The following RNMT variants were observed in gnomAD, a reference collection of about 807,000 sequenced individuals.
RNMT encodes RNA guanine-7 methyltransferase.
In RNMT, 27 loss-of-function variants were observed where a neutral mutation model predicts 56.0. The observed-to-expected ratio is 0.48, with a 90% CI of 0.36 to 0.67. The LOEUF is 0.67. Ranked by LOEUF, RNMT falls within the 30% of genes least tolerant of loss-of-function variation. RNMT has a pLI of 0.00. For synonymous variants in RNMT, 184 were observed against 176.2 expected (o/e 1.04, Z -0.35); for missense variants, 519 against 552.1 (o/e 0.94, Z 0.60).
At chr18:13,735,988 A>G (rs1368310916) in intron 4 of RNMT, among the ~76,000 whole-genome samples, 1 of 152,092 alleles carries the variant, frequency 6.6e-6, no homozygotes, top group Admixed American at 6.6e-5. Flanking sequence ...TGGTAAGTAA[A>G]CAGTTGAGTA....
chr18:13,754,099 C>G lies in RNMT; in HGVS notation c.1360-15C>G. 5 of 1,498,338 alleles carry G rather than the reference C, an allele frequency of 3.3e-6. 1 individual carries two copies. The South Asian group carries it at 5.7e-5, about 17-fold the overall frequency. The allele number at this position is 1,498,338 out of a possible 1,614,324, so 92.8% of individuals were successfully genotyped here. A position where few individuals can be genotyped will look rare whatever the true frequency, so the allele number is the denominator to read the frequency against. On this transcript the variant is annotated splice_polypyrimidine_tract_variant and intron_variant, in intron 10 of 11. Coordinates refer to ENST00000383314, the MANE Select transcript of RNMT (RefSeq NM_003799.3). Reference sequence around the variant, plus strand: ...ATTGAATCTAAAATTTTCTTTTTCTCTTTTGTAATTTTAGGGAACCTTAAG... The same window carrying G: ...ATTGAATCTAAAATTTTCTTTTTCTGTTTTGTAATTTTAGGGAACCTTAAG...
At position 13,736,052 on chromosome 18, in the gene RNMT, C is replaced by T. The variant is rs184346702; in HGVS notation, c.554-958C>T. Among the ~76,000 whole-genome samples the T allele has an allele frequency of 4.8e-3, 729 of 151,954 alleles. 8 individuals carry two copies. Among genetic ancestry groups the T allele is most frequent in the African/African-American group, 0.017 (694 of 41,540 alleles). ...TGAAATTGTTTCTTGATGATTTCCT[C>T]TCTCGTTAGTCTTACTGTATATAAA... On this transcript the variant is annotated intron_variant, in intron 4 of 11. Transcript: ENST00000383314.
At chr18:13,758,791 C>T (rs555569931) in intron 11 of RNMT, among the ~76,000 whole-genome samples, 1 of 152,228 alleles carries the variant, frequency 6.6e-6, no homozygotes, top group South Asian at 2.1e-4. Flanking sequence ...TTTTTACATG[C>T]CTTGTTCACT....
intron 7 of RNMT, 110 bp downstream of exon 7, chr18:13,741,801 G>C (rs2044256187): frequency 3.1e-6 from 2 of 647,198 alleles, no homozygotes; most frequent in South Asian, 2.9e-5. Flanking sequence ...TATAAGTGTT[G>C]AACACTTTCA....
chr18:13,739,460 T>C (rs1954841474), intron 5 of RNMT, among the ~76,000 whole-genome samples: 1 of 152,206 alleles, frequency 6.6e-6, no homozygotes, highest in Admixed American at 6.5e-5. Context: ...CCCATTGCCT[T>C]TGCATTATCA....
intron 11 of RNMT, among the ~76,000 whole-genome samples, chr18:13,758,192 A>G (rs1054023105): frequency 1.4e-4 from 21 of 152,172 alleles, no homozygotes; most frequent in Non-Finnish European, 2.9e-4. Flanking sequence ...GGATTTTTGG[A>G]AGGATAAATG....
intron 9 of RNMT, 45 bp from the exon 10 acceptor site, chr18:13,752,281 G>A: frequency 1.7e-6 from 2 of 1,199,276 alleles, no homozygotes; most frequent in Admixed American, 1.7e-5. Flanking sequence ...ATTCTGAATT[G>A]TAAATTTCCG....
intron 5 of RNMT, 128 bp downstream of exon 5, chr18:13,737,263 C>T: frequency 1.2e-6 from 1 of 820,696 alleles, no homozygotes; most frequent in Non-Finnish European, 1.8e-6. Flanking sequence ...TTAATTACGG[C>T]CTGACGCGGT....
chr18:13,760,662 C>T lies in RNMT; in HGVS notation c.*683C>T. On this transcript the variant is annotated 3_prime_UTR_variant, in exon 12 of 12. Coordinates refer to ENST00000383314, the MANE Select transcript of RNMT (RefSeq NM_003799.3). ...TTGCTACCATAGTAATTAATGTTTCCAGTTATCAAGATTGTGATTAGACAC... is the reference window on the plus strand; with the variant it reads ...TTGCTACCATAGTAATTAATGTTTCTAGTTATCAAGATTGTGATTAGACAC... 1 of 985,136 alleles carries T rather than the reference C, an allele frequency of 1.0e-6. No individual in the cohort carries two copies. The highest frequency in any genetic ancestry group is 1.2e-6 in the Non-Finnish European group (1 of 829,714). 61.0% of individuals were successfully genotyped at this position (985,136 alleles called of 1,614,324 possible). A position where few individuals can be genotyped will look rare whatever the true frequency, so the allele number is the denominator to read the frequency against.
At chr18:13,743,287 C>T (rs1367998217) in intron 8 of RNMT, among the ~76,000 whole-genome samples, 3 of 146,960 alleles carry the variant, frequency 2.0e-5, no homozygotes, top group African/African-American at 5.0e-5. Flanking sequence ...CGCGCCACTG[C>T]GCTCCAGCCT....
Position 13,761,772 on chromosome 18 carries a change from G to A in RNMT, c.*1793G>A. The A allele has an allele frequency of 8.1e-7, 1 of 1,240,506 alleles. No individual in the cohort carries two copies. The allele number at this position is 1,240,506 out of a possible 1,614,324, so 76.8% of individuals were successfully genotyped here. ...CTGGAGCCACACCTGCAGGCGCTGT[G>A]TTCAGGCACCACCTTCCTCCTTGAG... is the stretch of plus-strand genomic sequence containing the variant. On this transcript the variant is annotated 3_prime_UTR_variant, in exon 12 of 12. Coordinates refer to ENST00000383314, the MANE Select transcript of RNMT (RefSeq NM_003799.3).
At chr18:13,741,289 C>T (rs539430086) in intron 6 of RNMT, among the ~76,000 whole-genome samples, 2 of 152,150 alleles carry the variant, frequency 1.3e-5, no homozygotes, top group Non-Finnish European at 2.9e-5. Context: ...ATATTTTAAA[C>T]ATGATTTCAG....
chr18:13,762,383 G>A lies in RNMT; in HGVS notation c.*2404G>A. The A allele has an allele frequency of 2.0e-6, 1 of 512,656 alleles. No homozygotes were observed. The highest frequency in any genetic ancestry group is 3.5e-6 in the Non-Finnish European group (1 of 289,092). The allele number at this position is 512,656 out of a possible 1,614,324, so 31.8% of individuals were successfully genotyped here. A position where few individuals can be genotyped will look rare whatever the true frequency, so the allele number is the denominator to read the frequency against. On this transcript the variant is annotated 3_prime_UTR_variant, in exon 12 of 12. Transcript: ENST00000383314. ...TTCTGTGGGAGCCGTGTTCTAACCT[G>A]TGGAAAGTATTGCAATTCTGTGAGA...
chr18:13,741,599 T>A lies in RNMT; in HGVS notation c.882T>A (p.Tyr294Ter). Residue 294 changes from tyrosine (Y) to a stop codon, truncating the protein, a stop_gained, in exon 7 of 12, where the codon TAT (tyrosine) becomes TAA (stop). Transcript: ENST00000383314. LOFTEE classifies it high-confidence loss of function. ...QFVCHYSFES[Y>*]EQADMMLRNA... ...TCTGTCATTACTCATTTGAGTCTTA[T>A]GAGCAGGCTGACATGATGCTGAGAA... is the stretch of plus-strand genomic sequence containing the variant. The A allele has an allele frequency of 6.2e-7, 1 of 1,614,074 alleles. No homozygotes were observed. Among genetic ancestry groups the A allele is most frequent in the Non-Finnish European group, 8.5e-7 (1 of 1,179,910 alleles).
intron 5 of RNMT, among the ~76,000 whole-genome samples, chr18:13,737,911 T>A (rs890367653): frequency 6.6e-6 from 1 of 152,066 alleles, no homozygotes; most frequent in African/African-American, 2.4e-5. Context: ...AAATCATAAT[T>A]TTTTTCATTC....
rs147272157 is a variant in RNMT at position 13,742,891 on chromosome 18, T to C, written c.1139+239T>C. On this transcript the variant is annotated intron_variant, in intron 8 of 11. Coordinates refer to ENST00000383314, the MANE Select transcript of RNMT (RefSeq NM_003799.3). ...CTTAGTTTTCTCTCATTCCTGGAATTTTTTAATCCTGTGGGTGAAAAAGGG... is the reference window on the plus strand; with the variant it reads ...CTTAGTTTTCTCTCATTCCTGGAATCTTTTAATCCTGTGGGTGAAAAAGGG... The C allele has an allele frequency of 1.9e-4, 57 of 293,122 alleles. 1 individual carries two copies. The highest frequency in any genetic ancestry group is 1.1e-3 in the African/African-American group (52 of 45,820). 18.2% of individuals were successfully genotyped at this position (293,122 alleles called of 1,614,324 possible).
intron 7 of RNMT, among the ~76,000 whole-genome samples, chr18:13,742,087 C>G (rs1320440156): frequency 1.3e-5 from 2 of 152,174 alleles, no homozygotes; most frequent in African/African-American, 4.8e-5. Flanking sequence ...GCCTATAATC[C>G]TAGCACTTTG....
intron 10 of RNMT, among the ~76,000 whole-genome samples, chr18:13,753,546 C>T (rs1402081833): frequency 4.6e-5 from 7 of 151,814 alleles, no homozygotes; most frequent in African/African-American, 1.7e-4. Flanking sequence ...CTGAGGCGGG[C>T]GGATCACAAC....
At chr18:13,735,141 T>A (rs2044137827) in intron 4 of RNMT, among the ~76,000 whole-genome samples, 1 of 152,190 alleles carries the variant, frequency 6.6e-6, no homozygotes, top group African/African-American at 2.4e-5. Flanking sequence ...TCTGTATATT[T>A]AGTGCATTAA....
Sources: allele counts gnomAD v4.1 joint callset (sites outside exome capture counted in the v4.1 genomes callset), GRCh38; gene constraint gnomAD v4.1.1; transcripts MANE v1.5; gene names NCBI Gene and HGNC (gene_info 2026-07-23, HGNC 2026-07-21).